The following RAB5IF variants were observed in gnomAD, a reference collection of about 807,000 sequenced individuals.
RAB5IF encodes GEL complex subunit OPTI.
In RAB5IF, 15 loss-of-function variants were observed where a neutral mutation model predicts 20.3. The ratio of observed to expected loss-of-function variants is 0.74; its 90% confidence interval spans 0.50 to 1.14. The LOEUF (loss-of-function observed/expected upper bound fraction) is 1.14. RAB5IF is among the 50% of genes most tolerant of loss of function. The pLI, the probability that RAB5IF is intolerant of heterozygous loss-of-function variation, is 0.00. For missense variants in RAB5IF, 148 were observed against 159.5 expected (o/e 0.93, Z 0.39); for synonymous variants, 67 against 63.7 (o/e 1.05, Z -0.25).
At chr20:36,609,348 T>C (rs1245359780) in intron 2 of RAB5IF, among the ~76,000 whole-genome samples, 1 of 151,594 alleles carries the variant, frequency 6.6e-6, no homozygotes, top group Non-Finnish European at 1.5e-5. Flanking sequence ...CAAGCAGTTC[T>C]CCTGCCTCCA....
chr20:36,606,109 G>A, intron 1 of RAB5IF, 44 bp downstream of exon 1: 2 of 1,183,288 alleles, frequency 1.7e-6, no homozygotes, highest in Non-Finnish European at 2.3e-6. Context: ...GGAGTCGGCT[G>A]GGACTCGGGG....
chr20:36,606,320 A>T (rs894544519), intron 1 of RAB5IF, among the ~76,000 whole-genome samples: 1 of 152,234 alleles, frequency 6.6e-6, no homozygotes, highest in African/African-American at 2.4e-5. Flanking sequence ...AGGCGTTGTC[A>T]TTCGCGGGCA....
chr20:36,612,483 C>CATGCAGCATCTA lies in RAB5IF; in HGVS notation c.*435_*446dup. ...TATGTGCGTGGTCCATAGCACAGTA[C>CATGCAGCATCTA]ATGCAGCATCTAATAAGAGTTTCCA... On this transcript the variant is annotated 3_prime_UTR_variant, in exon 4 of 4. Transcript: ENST00000344795. The CATGCAGCATCTA allele has an allele frequency of 1.9e-6, 1 of 521,308 alleles. No homozygotes were observed. The highest frequency in any genetic ancestry group is 3.4e-5 in the East Asian group (1 of 29,692). The allele number at this position is 521,308 out of a possible 1,614,324, so 32.3% of individuals were successfully genotyped here.
rs199586608 is a variant in RAB5IF at position 36,609,554 on chromosome 20, T to A, written c.219-47T>A. ...CACACCCGGCCCCGAGTTCTGAGTC[T>A]TCTAAGCTTTCAATTTATGTTTGGT... is the stretch of plus-strand genomic sequence containing the variant. On this transcript the variant is annotated intron_variant, in intron 2 of 3. Coordinates refer to ENST00000344795, the MANE Select transcript of RAB5IF (RefSeq NM_018840.5). 5.1e-5 allele frequency: 78 copies of A among 1,539,212 alleles called. 1 individual carries two copies. In the South Asian group the frequency reaches 9.6e-4, roughly 19 times the overall value.
At chr20:36,609,213 A>ACG (rs2039033167) in intron 2 of RAB5IF, among the ~76,000 whole-genome samples, 1 of 76,174 alleles carries the variant, frequency 1.3e-5, no homozygotes, top group Non-Finnish European at 2.5e-5. Flanking sequence ...GCACACACGC[A>ACG]CACACGCACA....
intron 3 of RAB5IF, 31 bp from the exon 4 acceptor site, chr20:36,611,979 G>A (rs1438132884): frequency 6.2e-7 from 1 of 1,611,190 alleles, no homozygotes; most frequent in Non-Finnish European, 8.5e-7. Context: ...TAAGCCAGGT[G>A]ACCTATGAAC....
intron 3 of RAB5IF, among the ~76,000 whole-genome samples, chr20:36,610,302 A>G (rs1270926676): frequency 6.6e-6 from 1 of 152,100 alleles, no homozygotes; most frequent in African/African-American, 2.4e-5. Flanking sequence ...AAACTAGGAA[A>G]TATTTTTCAT....
intron 3 of RAB5IF, among the ~76,000 whole-genome samples, chr20:36,610,111 C>A (rs1201912696): frequency 6.6e-6 from 1 of 152,054 alleles, no homozygotes; most frequent in Non-Finnish European, 1.5e-5. Flanking sequence ...GGTGAAATCC[C>A]ATCTCTACTA....
Position 36,611,995 on chromosome 20 carries a change from T to C in RAB5IF, c.349-15T>C. 2 of 1,614,188 alleles carry C rather than the reference T, an allele frequency of 1.2e-6. No homozygotes were observed. The highest frequency in any genetic ancestry group is 2.2e-5 in the East Asian group (1 of 44,886). On this transcript the variant is annotated splice_polypyrimidine_tract_variant and intron_variant, in intron 3 of 3. Transcript: ENST00000344795. ...AAGCCAGGTGACCTATGAACAGTGCTTGTCTCCTCACTAGGTCATTTGGAT... is the reference window on the plus strand; with the variant it reads ...AAGCCAGGTGACCTATGAACAGTGCCTGTCTCCTCACTAGGTCATTTGGAT...
intron 1 of RAB5IF, 112 bp from the exon 2 acceptor site, chr20:36,607,603 G>A: frequency 1.6e-6 from 2 of 1,286,600 alleles, no homozygotes; most frequent in South Asian, 1.3e-5. Flanking sequence ...GTTGCCTTTG[G>A]GGGGAAACAA....
At chr20:36,609,543 AGTTCTGAGTCTTCTAAGCTTT>A in intron 2 of RAB5IF, 37 bp from the exon 3 acceptor site, 6 of 1,519,812 alleles carry the variant, frequency 3.9e-6, no homozygotes, top group Non-Finnish European at 5.3e-6. Flanking sequence ...CCCGGCCCCG[AGTTCTGAGTCTTCTAAGCTTT>A]CAATTTATGT....
At position 36,610,650 on chromosome 20, in the gene RAB5IF, G is replaced by A. The variant is rs575377806; in HGVS notation, c.348+920G>A. On this transcript the variant is annotated intron_variant, in intron 3 of 3. Coordinates refer to ENST00000344795, the MANE Select transcript of RAB5IF (RefSeq NM_018840.5). Reference sequence around the variant, plus strand: ...GCAGAGCTTGCAGTGTGCCGAGATCGCGCCACTGCACTCCATTCCAGCCTG... The same window carrying A: ...GCAGAGCTTGCAGTGTGCCGAGATCACGCCACTGCACTCCATTCCAGCCTG... Among the ~76,000 whole-genome samples, 74 of 151,162 alleles carry A rather than the reference G, an allele frequency of 4.9e-4. 1 individual carries two copies. The East Asian group carries it at 6.7e-3, about 14-fold the overall frequency.
intron 2 of RAB5IF, 120 bp downstream of exon 2, chr20:36,607,938 C>T (rs543334461): frequency 5.2e-6 from 8 of 1,533,034 alleles, no homozygotes; most frequent in South Asian, 4.7e-5. Context: ...ATGACTAAAG[C>T]AAAGAAGCAG....
At chr20:36,610,758 ACAT>A (rs1262240800) in intron 3 of RAB5IF, among the ~76,000 whole-genome samples, 1 of 152,200 alleles carries the variant, frequency 6.6e-6, no homozygotes, top group Non-Finnish European at 1.5e-5. Context: ...GAACCTTAAA[ACAT>A]CATACTAAGT....
intron 2 of RAB5IF, among the ~76,000 whole-genome samples, chr20:36,608,445 A>G (rs1464716450): frequency 6.6e-6 from 1 of 151,338 alleles, no homozygotes; most frequent in Non-Finnish European, 1.5e-5. Context: ...AGGTTTCTCT[A>G]CATTTCCCAG....
At chr20:36,609,915 C>G in intron 3 of RAB5IF, 185 bp downstream of exon 3, 1 of 933,922 alleles carries the variant, frequency 1.1e-6, no homozygotes, top group Non-Finnish European at 1.6e-6. Context: ...ATATACTGTA[C>G]AGTCCCCTGT....
intron 3 of RAB5IF, among the ~76,000 whole-genome samples, chr20:36,610,685 G>A (rs1053953161): frequency 2.7e-5 from 4 of 150,534 alleles, no homozygotes; most frequent in Non-Finnish European, 5.9e-5. Flanking sequence ...GGGCAACAGA[G>A]CGAGACTCCG....
intron 2 of RAB5IF, among the ~76,000 whole-genome samples, chr20:36,609,158 C>CATACATACAT (rs1278640879): frequency 0.025 from 237 of 9,626 alleles, 16 homozygotes; most frequent in Non-Finnish European, 0.031. Context: ...AACTATATTA[C>CATACATACAT]ACACACACAC....
intron 3 of RAB5IF, among the ~76,000 whole-genome samples, chr20:36,611,403 C>G (rs2147968394): frequency 6.9e-6 from 1 of 144,710 alleles, no homozygotes; most frequent in East Asian, 2.1e-4. Flanking sequence ...TCGAGACCAG[C>G]TTGGGCAATA....
Sources: gnomAD v4.1 joint callset for allele counts (sites outside exome capture counted in the v4.1 genomes callset) on GRCh38, gnomAD v4.1.1 for gene constraint, MANE v1.5 for transcripts, NCBI Gene and HGNC (gene_info 2026-07-23, HGNC 2026-07-21) for gene names.